Variants in INSL6 observed in about 807,000 individuals in gnomAD.
The protein encoded by INSL6 is insulin-like peptide INSL6.
In INSL6, 16 loss-of-function variants were observed where a neutral mutation model predicts 9.4. That is an observed-to-expected ratio of 1.70 (90% CI 1.15 to 2.59). The LOEUF is 2.59. INSL6 is among the 30% of genes most tolerant of loss of function. The pLI, the probability that INSL6 is intolerant of heterozygous loss-of-function variation, is 0.00. For missense variants in INSL6, 391 were observed against 257.3 expected (o/e 1.52, Z -3.56); for synonymous variants, 154 against 96.9 (o/e 1.59, Z -3.46).
chr9:5,105,610 C>A, the INSL6 span, among the ~76,000 whole-genome samples: 36 of 152,078 alleles, frequency 2.4e-4, no homozygotes, highest in Non-Finnish European at 1.6e-4. Flanking sequence ...TTGCCAAGAC[C>A]ATCCTAAGCC....
At chr9:5,000,774 T>G in the INSL6 span, among the ~76,000 whole-genome samples, 364 of 152,330 alleles carry the variant, frequency 2.4e-3, 2 homozygotes, top group Middle Eastern at 0.02. Context: ...TCTTGTTTGA[T>G]ATATTTGTAT....
chr9:5,087,215 G>T, the INSL6 span, among the ~76,000 whole-genome samples: 1 of 152,174 alleles, frequency 6.6e-6, no homozygotes, highest in Non-Finnish European at 1.5e-5. Flanking sequence ...ACCCATGGCT[G>T]GGGAGGCCTC....
chr9:5,163,634 G>C (rs1264735649), downstream of INSL6, among the ~76,000 whole-genome samples: 3 of 88,322 alleles, frequency 3.4e-5, no homozygotes, highest in Non-Finnish European at 8.4e-5. Flanking sequence ...CAGCTTAAGA[G>C]AGTTTCAACC....
At chr9:4,995,590 A>C in the INSL6 span, among the ~76,000 whole-genome samples, 1 of 152,292 alleles carries the variant, frequency 6.6e-6, no homozygotes, top group African/African-American at 2.4e-5. Flanking sequence ...ACTTTGTTTC[A>C]TTCTAAAAAT....
chr9:5,040,614 A>T, the INSL6 span, among the ~76,000 whole-genome samples: 1 of 152,282 alleles, frequency 6.6e-6, no homozygotes, highest in Non-Finnish European at 1.5e-5. Context: ...TTACAGCTCA[A>T]CAAGACAATG....
chr9:5,039,153 G>T, the INSL6 span, among the ~76,000 whole-genome samples: 1 of 152,046 alleles, frequency 6.6e-6, no homozygotes, highest in Non-Finnish European at 1.5e-5. Flanking sequence ...TAGATTCAGG[G>T]TAGGGAAATT....
intron 1 of INSL6, among the ~76,000 whole-genome samples, chr9:5,171,073 T>C (rs560039257): frequency 5.4e-4 from 82 of 152,170 alleles, no homozygotes; most frequent in African/African-American, 1.9e-3. Context: ...AGTACACCAA[T>C]GTAAAAATCC....
chr9:5,087,410 T>C, the INSL6 span, among the ~76,000 whole-genome samples: 6 of 152,152 alleles, frequency 3.9e-5, no homozygotes, highest in Non-Finnish European at 7.4e-5. Flanking sequence ...TCCAATGACA[T>C]GTGGGGATTA....
chr9:5,114,046 A>C, the INSL6 span: 1 of 322,318 alleles, frequency 3.1e-6, no homozygotes, highest in Non-Finnish European at 6.2e-6. Flanking sequence ...CTGGAGGATG[A>C]GCTGGCCTCC....
the INSL6 span, among the ~76,000 whole-genome samples, chr9:5,093,413 G>A: frequency 3.3e-5 from 5 of 152,282 alleles, no homozygotes; most frequent in Non-Finnish European, 5.9e-5. Context: ...TAGGGACTTA[G>A]AAGAATGGCC....
chr9:5,090,681 A>G, the INSL6 span: 1 of 1,541,592 alleles, frequency 6.5e-7, no homozygotes, highest in African/African-American at 1.4e-5. Context: ...TAGGGTTAAG[A>G]CCATTTAAAT....
At chr9:5,127,693 TG>T (rs1219347563) in intron 3 of INSL6, 1 of 232,212 alleles carries the variant, frequency 4.3e-6, no homozygotes, top group African/African-American at 2.2e-5. Flanking sequence ...CTTCGATCTC[TG>T]GGATTTATGC....
At chr9:5,018,735 A>C in the INSL6 span, among the ~76,000 whole-genome samples, 1 of 152,174 alleles carries the variant, frequency 6.6e-6, no homozygotes, top group Admixed American at 6.5e-5. Flanking sequence ...TGCTTGCCTC[A>C]GAAAAACTAT....
At chr9:5,023,894 A>AT in the INSL6 span, among the ~76,000 whole-genome samples, 40 of 152,052 alleles carry the variant, frequency 2.6e-4, no homozygotes, top group African/African-American at 9.6e-4. Context: ...AGCTTGTAAG[A>AT]TTTTTTTAGC....
In INSL6 at chr9:5,178,665, G is replaced by A. The variant is rs145439833; in HGVS notation, c.289+6649C>T. 5.6e-3 allele frequency among the ~76,000 whole-genome samples: 847 copies of A among 152,220 alleles called. 4 individuals are homozygous for A. The highest frequency in any genetic ancestry group is 0.019 in the African/African-American group (781 of 41,530). On this transcript the variant is annotated intron_variant, in intron 1 of 1. Transcript: ENST00000381641. ...GTACTGGTACAAGAACAGATACATA[G>A]ACCAATGGAACAGAATAGAGAACTC...
the INSL6 span, among the ~76,000 whole-genome samples, chr9:5,078,766 C>A: frequency 6.6e-6 from 1 of 151,990 alleles, no homozygotes; most frequent in Non-Finnish European, 1.5e-5. Flanking sequence ...TCTAAATATT[C>A]TTTTCTTCTC....
At chr9:5,158,244 G>C (rs551038410) in intron 2 of INSL6, among the ~76,000 whole-genome samples, 1 of 152,296 alleles carries the variant, frequency 6.6e-6, no homozygotes, top group South Asian at 2.1e-4. Flanking sequence ...TCTTCGCCTT[G>C]AAAGGGTGGG....
the INSL6 span, among the ~76,000 whole-genome samples, chr9:5,034,844 A>G: frequency 1.9e-3 from 297 of 152,324 alleles, 1 homozygote; most frequent in African/African-American, 6.0e-3. Context: ...ACCAAGAGCA[A>G]ACACATTCAA....
the INSL6 span, among the ~76,000 whole-genome samples, chr9:5,018,067 A>T: frequency 6.6e-6 from 1 of 152,178 alleles, no homozygotes; most frequent in African/African-American, 2.4e-5. Flanking sequence ...TCTATCTTTT[A>T]AGTGGAAAGT....
Sources: gnomAD v4.1 joint callset for allele counts (sites outside exome capture counted in the v4.1 genomes callset) on GRCh38, gnomAD v4.1.1 for gene constraint, MANE v1.5 for transcripts, NCBI Gene and HGNC (gene_info 2026-07-23, HGNC 2026-07-21) for gene names.